Variants in CAST observed in about 807,000 individuals in gnomAD.
The protein encoded by CAST is calpastatin.
Under a neutral mutation model 119.6 loss-of-function variants are expected in CAST, and 76 were observed. That is an observed-to-expected ratio of 0.64 (90% CI 0.53 to 0.77). The LOEUF (loss-of-function observed/expected upper bound fraction) is 0.77, where lower values mean the gene tolerates loss of function less well. Ranked by LOEUF, CAST falls within the 30% of genes least tolerant of loss-of-function variation. CAST has a pLI of 0.00. For synonymous variants in CAST, 319 were observed against 331.6 expected (o/e 0.96, Z 0.41); for missense variants, 953 against 946.5 (o/e 1.01, Z -0.09).
At chr5:96,665,526 A>G (rs371441279) in intron 1 of CAST, among the ~76,000 whole-genome samples, 4 of 152,166 alleles carry the variant, frequency 2.6e-5, no homozygotes, top group African/African-American at 7.2e-5. Flanking sequence ...ATGGACTCCT[A>G]AACTTTCTTT....
intron 16 of CAST, chr5:96,743,675 G>A (rs759899448): frequency 6.2e-7 from 1 of 1,613,286 alleles, no homozygotes; most frequent in Admixed American, 1.7e-5. Flanking sequence ...ACCGGCCACA[G>A]TGTGGCACGA....
At chr5:96,298,836 G>A in the CAST span, among the ~76,000 whole-genome samples, 30 of 151,420 alleles carry the variant, frequency 2.0e-4, no homozygotes, top group Admixed American at 1.5e-3. Flanking sequence ...TTAGGGAGAA[G>A]ATTTATGAAA....
the CAST span, among the ~76,000 whole-genome samples, chr5:96,125,166 G>T: frequency 6.6e-6 from 1 of 152,170 alleles, no homozygotes; most frequent in Non-Finnish European, 1.5e-5. Flanking sequence ...GAAAGATTCT[G>T]CAGCCTTTGA....
At chr5:96,031,781 C>A in the CAST span, among the ~76,000 whole-genome samples, 2 of 151,876 alleles carry the variant, frequency 1.3e-5, no homozygotes, top group South Asian at 4.1e-4. Flanking sequence ...TGGTGTGTAA[C>A]CGATTACTAC....
the CAST span, among the ~76,000 whole-genome samples, chr5:96,114,696 G>A: frequency 6.6e-6 from 1 of 152,312 alleles, no homozygotes; most frequent in South Asian, 2.1e-4. Flanking sequence ...TGAAGCAGCA[G>A]GCCATAAGAG....
At chr5:96,380,177 T>C in the CAST span, among the ~76,000 whole-genome samples, 2 of 152,194 alleles carry the variant, frequency 1.3e-5, no homozygotes, top group East Asian at 3.8e-4. Flanking sequence ...TTTCACTTTG[T>C]TGATATTTAG....
chr5:96,741,515 G>C lies in CAST; in HGVS notation c.1033G>C (p.Ala345Pro), dbSNP rs761094493. The C allele has an allele frequency of 6.2e-7, 1 of 1,613,326 alleles. No individual in the cohort carries two copies. Among genetic ancestry groups the C allele is most frequent in the Non-Finnish European group, 8.5e-7 (1 of 1,179,484 alleles). Reference protein sequence around the residue: ...EKEESTEVLKAQSAGTVRSAA... With the variant: ...EKEESTEVLKPQSAGTVRSAA... ...TCAGGAATCTACAGAAGTTTTAAAAGCTCAGTCAGCAGGGACAGTCAGAAG... is the reference window on the plus strand; with the variant it reads ...TCAGGAATCTACAGAAGTTTTAAAACCTCAGTCAGCAGGGACAGTCAGAAG... The change falls in exon 15 of 32, where the codon GCT becomes CCT. Residue 345 changes from alanine to proline, a missense_variant. Coordinates refer to ENST00000675179, the MANE Select transcript of CAST (RefSeq NM_001750.7).
chr5:96,069,836 G>C, the CAST span, among the ~76,000 whole-genome samples: 7 of 151,720 alleles, frequency 4.6e-5, no homozygotes, highest in African/African-American at 1.5e-4. Context: ...TTTGGCTCAT[G>C]TAGATGCGGA....
chr5:96,429,391 T>G, the CAST span: 3 of 824,008 alleles, frequency 3.6e-6, no homozygotes, highest in Non-Finnish European at 6.2e-6. Context: ...AAAACTCAGC[T>G]AACTTAGAGA....
the CAST span, among the ~76,000 whole-genome samples, chr5:96,354,694 A>C: frequency 6.7e-6 from 1 of 148,992 alleles, no homozygotes; most frequent in African/African-American, 2.4e-5. Flanking sequence ...ATTATATATA[A>C]TATAAATTAT....
chr5:96,103,470 G>A, the CAST span, among the ~76,000 whole-genome samples: 517 of 150,242 alleles, frequency 3.4e-3, 1 homozygote, highest in African/African-American at 4.4e-3. Context: ...TTGTTCTTGC[G>A]ATAGTTTACT....
the CAST span, among the ~76,000 whole-genome samples, chr5:96,316,647 C>T: frequency 6.6e-6 from 1 of 152,066 alleles, no homozygotes; most frequent in Non-Finnish European, 1.5e-5. Flanking sequence ...AGAGGGGAAC[C>T]GTGAGAGAAT....
the CAST span, among the ~76,000 whole-genome samples, chr5:96,505,497 A>C: frequency 6.6e-6 from 1 of 152,170 alleles, no homozygotes; most frequent in African/African-American, 2.4e-5. Context: ...TAATAAAAAT[A>C]AATAAAATCT....
Position 96,595,410 on chromosome 5 carries a change from G to A in CAST, c.60+65530G>A, listed in dbSNP as rs147903319. Among the ~76,000 whole-genome samples, 602 of 152,290 alleles carry A rather than the reference G, an allele frequency of 4.0e-3. 9 individuals carry two copies. The highest frequency in any genetic ancestry group is 0.025 in the East Asian group (132 of 5,186). On this transcript the variant is annotated intron_variant, in intron 1 of 11. Coordinates refer to the CAST transcript ENST00000505143. ...TTTATGTGAAACAACCTGGGAATTC[G>A]TCACTAGGGAAGCTGTGAATCAGCA... is the stretch of plus-strand genomic sequence containing the variant.
chr5:96,064,674 T>G, the CAST span, among the ~76,000 whole-genome samples: 1 of 148,148 alleles, frequency 6.8e-6, no homozygotes, highest in Non-Finnish European at 1.5e-5. Context: ...TCACAAGTGA[T>G]ATTCATTGTA....
the CAST span, among the ~76,000 whole-genome samples, chr5:96,407,066 G>A: frequency 2.0e-5 from 3 of 152,042 alleles, no homozygotes; most frequent in Non-Finnish European, 4.4e-5. Context: ...TTTAAATATG[G>A]TAAAGAAACC....
At chr5:96,757,875 G>C (rs1351666328) in intron 24 of CAST, among the ~76,000 whole-genome samples, 1 of 151,922 alleles carries the variant, frequency 6.6e-6, no homozygotes, top group African/African-American at 2.4e-5. Flanking sequence ...ATTTTTAGTA[G>C]AGACGGGCTT....
chr5:96,108,514 G>T, the CAST span, among the ~76,000 whole-genome samples: 1 of 152,224 alleles, frequency 6.6e-6, no homozygotes, highest in Admixed American at 6.5e-5. Context: ...CTGCTGGGGG[G>T]TGCCTCCCAG....
At chr5:96,474,454 G>T in the CAST span, among the ~76,000 whole-genome samples, 1 of 152,034 alleles carries the variant, frequency 6.6e-6, no homozygotes. Flanking sequence ...GAGGGGTGGG[G>T]CCTGTTGTGT....
Sources: allele counts gnomAD v4.1 joint callset (sites outside exome capture counted in the v4.1 genomes callset), GRCh38; gene constraint gnomAD v4.1.1; transcripts MANE v1.5; gene names NCBI Gene and HGNC (gene_info 2026-07-23, HGNC 2026-07-21).